Variants in TENM2 observed in about 807,000 individuals in gnomAD.
TENM2 encodes teneurin transmembrane protein 2, also known as teneurin-2.
Under a neutral mutation model 245.2 loss-of-function variants are expected in TENM2, and 52 were observed. The observed-to-expected ratio is 0.21, with a 90% CI of 0.17 to 0.27. The LOEUF (loss-of-function observed/expected upper bound fraction) is 0.27, where lower values mean the gene tolerates loss of function less well. Among genes scored for constraint, TENM2 ranks in the 10% least tolerant of loss-of-function variants. TENM2 has a pLI of 1.00. For missense variants in TENM2, 3,046 were observed against 3,666.8 expected (o/e 0.83, Z 4.37); for synonymous variants, 1,363 against 1,438.9 (o/e 0.95, Z 1.19).
upstream of TENM2, chr5:167,284,783 C>A: frequency 7.1e-7 from 1 of 1,408,850 alleles, no homozygotes; most frequent in South Asian, 1.2e-5. Context: ...TGACAAGTGC[C>A]AAAACTCAGG....
At chr5:168,051,390 A>C (rs1789073505) in intron 6 of TENM2, among the ~76,000 whole-genome samples, 1 of 152,156 alleles carries the variant, frequency 6.6e-6, no homozygotes, top group African/African-American at 2.4e-5. Context: ...AAAATGGTGG[A>C]ATTGAGTGGG....
At chr5:167,239,074 A>G in the TENM2 span, among the ~76,000 whole-genome samples, 3 of 152,222 alleles carry the variant, frequency 2.0e-5, no homozygotes, top group South Asian at 6.2e-4. Context: ...TAAATCCCCC[A>G]AAACAACAAT....
At chr5:167,271,228 C>T in the TENM2 span, among the ~76,000 whole-genome samples, 3 of 152,020 alleles carry the variant, frequency 2.0e-5, no homozygotes, top group East Asian at 3.9e-4. Flanking sequence ...ACTGTTTTTC[C>T]GGTTATGGTA....
At chr5:167,216,095 T>A in the TENM2 span, among the ~76,000 whole-genome samples, 1 of 152,174 alleles carries the variant, frequency 6.6e-6, no homozygotes, top group Non-Finnish European at 1.5e-5. Context: ...GTTACTTTCC[T>A]TCGTGATAGG....
At chr5:167,017,345 G>A in the TENM2 span, among the ~76,000 whole-genome samples, 3 of 152,144 alleles carry the variant, frequency 2.0e-5, no homozygotes, top group African/African-American at 4.8e-5. Context: ...TCTGTGTAAC[G>A]TTGGACAAGT....
chr5:167,746,714 A>AGAGAGAGAGAGAGAGAGAGAGAGC (rs1761608904), intron 2 of TENM2, among the ~76,000 whole-genome samples: 1 of 149,700 alleles, frequency 6.7e-6, no homozygotes, highest in Non-Finnish European at 1.5e-5. Flanking sequence ...AGAGAGAGAG[A>AGAGAGAGAGAGAGAGAGAGAGAGC]GCTGGACTCT....
At chr5:167,573,556 C>G (rs1046624321) in intron 2 of TENM2, among the ~76,000 whole-genome samples, 2 of 151,966 alleles carry the variant, frequency 1.3e-5, no homozygotes, top group African/African-American at 4.8e-5. Context: ...TTCTCTCCCT[C>G]TCTCCTCGCT....
chr5:167,931,561 A>G lies in TENM2; in HGVS notation c.713-21027A>G, dbSNP rs529848933. Reference sequence around the variant, plus strand: ...CCCATAAACCCATTGGAAAAAAAAAAAAAAAAAAAACAAGAAACATCTCTT... The same window carrying G: ...CCCATAAACCCATTGGAAAAAAAAAGAAAAAAAAAACAAGAAACATCTCTT... On this transcript the variant is annotated intron_variant, in intron 3 of 28. Transcript: ENST00000518659. Among the ~76,000 whole-genome samples, 4 of 151,982 alleles carry G rather than the reference A, an allele frequency of 2.6e-5. No homozygotes were observed. The East Asian group carries it at 7.7e-4, about 29-fold the overall frequency.
upstream of TENM2, among the ~76,000 whole-genome samples, chr5:167,280,205 C>T (rs760060594): frequency 4.3e-4 from 65 of 152,128 alleles, no homozygotes; most frequent in Non-Finnish European, 7.9e-4. Context: ...CCATGAGACA[C>T]GCAGTGATAC....
the TENM2 span, among the ~76,000 whole-genome samples, chr5:167,110,266 A>G: frequency 2.6e-5 from 4 of 152,352 alleles, no homozygotes; most frequent in East Asian, 1.9e-4. Context: ...GTTTTTGTTT[A>G]CCTTTTTCAT....
In TENM2 at chr5:167,550,943, G is replaced by C. The variant is rs1052240283; in HGVS notation, c.502+175470G>C. ...GGGGTATCACCATATTGGCCATGCT[G>C]GTCTTGAACTCTTGACCTTAGGCAA... On this transcript the variant is annotated intron_variant, in intron 2 of 28. Coordinates refer to ENST00000518659, the Ensembl canonical transcript of TENM2. Among the ~76,000 whole-genome samples the C allele has an allele frequency of 3.9e-5, 6 of 152,124 alleles. No individual in the cohort carries two copies. In the East Asian group the frequency reaches 1.2e-3, roughly 30 times the overall value.
chr5:168,131,731 A>G, intron 12 of TENM2, among the ~76,000 whole-genome samples: 1 of 152,060 alleles, frequency 6.6e-6, no homozygotes, highest in Non-Finnish European at 1.5e-5. Flanking sequence ...AGTTATGAAA[A>G]CTTTTTTTTT....
chr5:167,297,628 G>A lies in TENM2; in HGVS notation c.226+12565G>A, dbSNP rs1287526836. The A allele has an allele frequency of 3.3e-5, 5 of 152,150 alleles. No individual in the cohort carries two copies. In the East Asian group the frequency reaches 9.6e-4, roughly 29 times the overall value. The allele number at this position is 152,150 out of a possible 1,614,324, so 9.4% of individuals were successfully genotyped here. On this transcript the variant is annotated intron_variant, in intron 1 of 28. Coordinates refer to ENST00000518659, the Ensembl canonical transcript of TENM2. ...GGGAAAGATTCTGTTAAAATAGTGG[G>A]TTTCATGCGCATCCATGTGAAGAGA...
intron 12 of TENM2, among the ~76,000 whole-genome samples, chr5:168,139,243 TA>T (rs1490409258): frequency 6.6e-6 from 1 of 152,232 alleles, no homozygotes; most frequent in Non-Finnish European, 1.5e-5. Context: ...GAAACTTAGT[TA>T]AATCAAATGA....
At chr5:167,051,523 C>G in the TENM2 span, among the ~76,000 whole-genome samples, 1 of 151,980 alleles carries the variant, frequency 6.6e-6, no homozygotes, top group Non-Finnish European at 1.5e-5. Flanking sequence ...TTTTCCAGTC[C>G]TTTGCCTCTC....
Position 167,389,961 on chromosome 5 carries a change from C to T in TENM2, c.502+14488C>T, listed in dbSNP as rs530538051. Among the ~76,000 whole-genome samples the T allele has an allele frequency of 5.9e-5, 9 of 152,164 alleles. 1 individual carries two copies. In the South Asian group the frequency reaches 1.5e-3, roughly 25 times the overall value. On this transcript the variant is annotated intron_variant, in intron 2 of 28. Transcript: ENST00000518659. ...TTCTCCATATGGAAAGATAGTGGGA[C>T]GATGCATCTCACTTTTTAGTTTGTA...
intron 12 of TENM2, chr5:168,129,391 G>A (rs2152369410): frequency 6.6e-6 from 1 of 152,326 alleles, no homozygotes; most frequent in African/African-American, 2.4e-5. Context: ...GCCAGCTAAA[G>A]CTCCCAAAAT....
At chr5:168,200,359 A>G (rs1275169326) in intron 17 of TENM2, among the ~76,000 whole-genome samples, 1 of 152,240 alleles carries the variant, frequency 6.6e-6, no homozygotes, top group East Asian at 1.9e-4. Flanking sequence ...AGGTGCTAAT[A>G]AGAAAATAAA....
At chr5:168,180,379 C>G (rs766063691) in intron 13 of TENM2, among the ~76,000 whole-genome samples, 12 of 152,250 alleles carry the variant, frequency 7.9e-5, no homozygotes, top group Non-Finnish European at 1.8e-4. Context: ...CTTCGTTTAA[C>G]TGACTCCCAA....
Sources: allele counts gnomAD v4.1 joint callset (sites outside exome capture counted in the v4.1 genomes callset), GRCh38; gene constraint gnomAD v4.1.1; transcripts MANE v1.5; gene names NCBI Gene and HGNC (gene_info 2026-07-23, HGNC 2026-07-21).